The following AP3S2 variants were observed in gnomAD, a reference collection of about 807,000 sequenced individuals.
AP3S2 encodes adaptor related protein complex 3 subunit sigma 2, also known as AP-3 complex subunit sigma-2.
Under a neutral mutation model 23.4 loss-of-function variants are expected in AP3S2, and 22 were observed. The ratio of observed to expected loss-of-function variants is 0.94; its 90% CI spans 0.67 to 1.34. AP3S2 has a LOEUF of 1.34. Ranked by LOEUF, AP3S2 falls within the 40% of genes most tolerant of loss-of-function variation. AP3S2 has a pLI of 0.00. For synonymous variants in AP3S2, 86 were observed against 87.1 expected, an observed-to-expected ratio of 0.99 and a Z score of 0.07; for missense variants, 241 against 236.9, an observed-to-expected ratio of 1.02 and a Z score of -0.11.
At chr15:89,869,194 ACATGGGAGACTTTT>A (rs1290032033) in intron 4 of AP3S2, among the ~76,000 whole-genome samples, 1 of 150,340 alleles carries the variant, frequency 6.7e-6, no homozygotes, top group African/African-American at 2.4e-5. Context: ...AAAGAAGTAG[ACATGGGAGACTTTT>A]CATTTTGTTC....
At chr15:89,845,920 T>C (rs1350135784) in intron 4 of AP3S2, 1 of 151,966 alleles carries the variant, frequency 6.6e-6, no homozygotes, top group Non-Finnish European at 1.5e-5. Context: ...ATTAACAGAG[T>C]TTAAACAAAA....
At position 89,835,645 on chromosome 15, in the gene AP3S2, T is replaced by C; in HGVS notation, c.454-2A>G. 1 of 1,574,966 alleles carries C rather than the reference T, an allele frequency of 6.3e-7. No individual in the cohort carries two copies. The highest frequency in any genetic ancestry group is 8.6e-7 in the Non-Finnish European group (1 of 1,163,922). ...CGCAGGGGCTGCTGAAAGGCCACCC[T>C]AAGAAGAAATGAGAGGCGAGTATGA... On this transcript the variant is annotated splice_acceptor_variant, in intron 5 of 5. Coordinates refer to ENST00000336418, the MANE Select transcript of AP3S2 (RefSeq NM_005829.5). LOFTEE classifies it high-confidence loss of function.
intron 4 of AP3S2, among the ~76,000 whole-genome samples, chr15:89,859,985 C>G (rs994224111): frequency 1.3e-5 from 2 of 151,972 alleles, no homozygotes; most frequent in Non-Finnish European, 2.9e-5. Context: ...AGGTTGGTCT[C>G]GATCTCCTGA....
intron 3 of AP3S2, among the ~76,000 whole-genome samples, chr15:89,873,279 C>T (rs192466358): frequency 6.8e-6 from 1 of 146,958 alleles, no homozygotes; most frequent in African/African-American, 2.5e-5. Context: ...GGACCTCTGT[C>T]TGTCTTCTTT....
At chr15:89,872,499 TAAC>T (rs1315319223) in intron 3 of AP3S2, among the ~76,000 whole-genome samples, 1 of 152,228 alleles carries the variant, frequency 6.6e-6, no homozygotes, top group African/African-American at 2.4e-5. Context: ...ACACACCATG[TAAC>T]TACAACCTAG....
At chr15:89,870,329 G>A (rs1025820285) in intron 4 of AP3S2, among the ~76,000 whole-genome samples, 3 of 152,170 alleles carry the variant, frequency 2.0e-5, no homozygotes, top group Non-Finnish European at 2.9e-5. Flanking sequence ...AAGGGAGGGT[G>A]ACTCAAAAGC....
rs959169892 is a variant in AP3S2 at position 89,831,050 on chromosome 15, A to G, written c.*4465T>C. On this transcript the variant is annotated 3_prime_UTR_variant, in exon 6 of 6. Coordinates refer to ENST00000336418, the MANE Select transcript of AP3S2 (RefSeq NM_005829.5). ...CCGGAGTGGGAGTCTTTTGCTGAAC[A>G]GACTTTTGTTTTCTTAAGTTTTGAA... The G allele has an allele frequency of 2.0e-5, 3 of 152,872 alleles. No individual in the cohort carries two copies. The highest frequency in any genetic ancestry group is 7.2e-5 in the African/African-American group (3 of 41,472). 9.5% of individuals were successfully genotyped at this position (152,872 alleles called of 1,614,324 possible).
chr15:89,867,020 C>G (rs1392081718), intron 4 of AP3S2, among the ~76,000 whole-genome samples: 9 of 120,634 alleles, frequency 7.5e-5, no homozygotes, highest in Non-Finnish European at 1.6e-4. Context: ...ACCCCTCCCC[C>G]TCCCCCTCTC....
chr15:89,893,774 A>G, intron 1 of AP3S2, 107 bp downstream of exon 1: 1 of 1,103,848 alleles, frequency 9.1e-7, no homozygotes, highest in South Asian at 1.4e-5. Flanking sequence ...TCGGTGCAGG[A>G]GCCCCAGGTG....
Position 89,846,619 on chromosome 15 carries a change from C to T in AP3S2, c.346-8897G>A, listed in dbSNP as rs562356876. Among the ~76,000 whole-genome samples, 19 of 152,190 alleles carry T rather than the reference C, an allele frequency of 1.2e-4. No homozygotes were observed. The South Asian group carries it at 2.3e-3, about 18-fold the overall frequency. ...TCGGCTCACTGCAACATCCGCCTCC[C>T]GGGTTCAAGCAATTCTCCTGCCTCA... On this transcript the variant is annotated intron_variant, in intron 4 of 5. Transcript: ENST00000336418.
At chr15:89,845,075 T>C (rs1464849963) in intron 4 of AP3S2, among the ~76,000 whole-genome samples, 2 of 152,032 alleles carry the variant, frequency 1.3e-5, no homozygotes, top group African/African-American at 2.4e-5. Context: ...CCAGCTTATT[T>C]TTTGTATTTT....
At chr15:89,880,275 T>G (rs1342612818) in intron 3 of AP3S2, among the ~76,000 whole-genome samples, 2 of 152,176 alleles carry the variant, frequency 1.3e-5, no homozygotes, top group African/African-American at 4.8e-5. Flanking sequence ...TTTTGGGACC[T>G]TTACAAATTA....
rs373871735 is a variant in AP3S2 at position 89,889,166 on chromosome 15, C to CA, written c.70-27dup. 37 of 1,613,648 alleles carry CA rather than the reference C, an allele frequency of 2.3e-5. 1 individual carries two copies. In the African/African-American group the frequency reaches 3.2e-4, roughly 14 times the overall value. ...CTATGAAACAAAAAGATAAGTGAAT[C>CA]AGTGGGCAAGCCTGAAAAACTACAT... On this transcript the variant is annotated intron_variant, in intron 1 of 5. Coordinates refer to ENST00000336418, the MANE Select transcript of AP3S2 (RefSeq NM_005829.5).
At chr15:89,844,209 CTCTTTCTTTCTTTCTT>C (rs71151535) in intron 4 of AP3S2, among the ~76,000 whole-genome samples, 6,282 of 129,100 alleles carry the variant, frequency 0.049, 214 homozygotes, top group Non-Finnish European at 0.052. Flanking sequence ...TTCTTTCTTT[CTCTTTCTTTCTTTCTT>C]TCTTTCTTTC....
intron 4 of AP3S2, among the ~76,000 whole-genome samples, chr15:89,839,295 GA>G (rs780357051): frequency 1.6e-4 from 24 of 152,180 alleles, no homozygotes; most frequent in Non-Finnish European, 3.1e-4. Context: ...TAAGTGCAGG[GA>G]ACTTCTGATC....
chr15:89,892,973 A>T (rs879506721), intron 1 of AP3S2: 1 of 152,248 alleles, frequency 6.6e-6, no homozygotes, highest in South Asian at 2.1e-4. Context: ...CTGAATACTC[A>T]TATTTTTACC....
At chr15:89,837,551 A>G (rs1895223190) in intron 5 of AP3S2, 64 bp downstream of exon 5, 1 of 1,592,354 alleles carries the variant, frequency 6.3e-7, no homozygotes, top group African/African-American at 1.3e-5. Context: ...ACACATGTAC[A>G]CACTCCTGCC....
intron 3 of AP3S2, among the ~76,000 whole-genome samples, chr15:89,880,718 G>A (rs1227974718): frequency 6.6e-6 from 1 of 151,574 alleles, no homozygotes; most frequent in Non-Finnish European, 1.5e-5. Context: ...TGAAAGTAAT[G>A]CAGAAAGAAA....
At chr15:89,857,947 T>C (rs112331534) in intron 4 of AP3S2, among the ~76,000 whole-genome samples, 3,733 of 152,230 alleles carry the variant, frequency 0.025, 68 homozygotes, top group Non-Finnish European at 0.032. Context: ...GGTAGAAGCA[T>C]ATGTTGAGGA....
Sources: gnomAD v4.1 joint callset for allele counts (sites outside exome capture counted in the v4.1 genomes callset) on GRCh38, gnomAD v4.1.1 for gene constraint, MANE v1.5 for transcripts, NCBI Gene and HGNC (gene_info 2026-07-23, HGNC 2026-07-21) for gene names.